SUGCT: variants seen among roughly 807,000 people sequenced by gnomAD.
The protein encoded by SUGCT is succinyl-CoA:glutarate CoA-transferase.
Under a neutral mutation model 55.0 loss-of-function variants are expected in SUGCT, and 41 were observed. The observed-to-expected ratio is 0.74, with a 90% confidence interval of 0.58 to 0.97. The LOEUF is 0.97. Among genes scored for constraint, SUGCT ranks in the 50% least tolerant of loss-of-function variants. The pLI, the probability that SUGCT is intolerant of heterozygous loss-of-function variation, is 0.00. For missense variants in SUGCT, 568 were observed against 547.8 expected (o/e 1.04, Z -0.37); for synonymous variants, 187 against 200.4 (o/e 0.93, Z 0.56).
intron 9 of SUGCT, among the ~76,000 whole-genome samples, chr7:40,424,568 CTAT>C (rs1269854068): frequency 1.3e-5 from 2 of 152,124 alleles, no homozygotes; most frequent in African/African-American, 4.8e-5. Flanking sequence ...CACTTTACTT[CTAT>C]ATGTTTCAGT....
intron 9 of SUGCT, among the ~76,000 whole-genome samples, chr7:40,322,991 A>ATAAAATAAAATAAAC (rs1795832774): frequency 6.6e-6 from 1 of 152,036 alleles, no homozygotes; most frequent in South Asian, 2.1e-4. Context: ...ATAAAATAAA[A>ATAAAATAAAATAAAC]TAAACTACTA....
chr7:40,287,192 C>T (rs1002615396), intron 8 of SUGCT, among the ~76,000 whole-genome samples: 1 of 152,078 alleles, frequency 6.6e-6, no homozygotes, highest in Non-Finnish European at 1.5e-5. Context: ...ATCATATATT[C>T]ATTTTTTTTA....
chr7:40,702,541 G>A (rs1785212018), intron 12 of SUGCT, among the ~76,000 whole-genome samples: 1 of 152,190 alleles, frequency 6.6e-6, no homozygotes, highest in South Asian at 2.1e-4. Context: ...GCTCAGCAAT[G>A]ATGTTTTGAG....
At chr7:40,473,638 A>AG (rs1441334029) in intron 11 of SUGCT, among the ~76,000 whole-genome samples, 3 of 152,072 alleles carry the variant, frequency 2.0e-5, no homozygotes, top group African/African-American at 4.8e-5. Flanking sequence ...TAGGAGGAGC[A>AG]GAAAAAAAAA....
the SUGCT span, among the ~76,000 whole-genome samples, chr7:40,887,172 A>C: frequency 6.6e-6 from 1 of 152,218 alleles, no homozygotes; most frequent in Non-Finnish European, 1.5e-5. Context: ...CCAGATGATA[A>C]AGAACATTCT....
At chr7:40,169,413 A>G (rs11767697) in intron 1 of SUGCT, among the ~76,000 whole-genome samples, 77,477 of 151,804 alleles carry the variant, frequency 0.51, 20,180 homozygotes, top group Middle Eastern at 0.65. Context: ...CTTCCTGGCC[A>G]TTAATGGTCA....
At chr7:40,635,594 T>G (rs1409174202) in intron 12 of SUGCT, among the ~76,000 whole-genome samples, 1 of 152,240 alleles carries the variant, frequency 6.6e-6, no homozygotes, top group African/African-American at 2.4e-5. Context: ...CACATTGTGT[T>G]GAAGCTCCAA....
chr7:40,833,481 A>G (rs1792803312), intron 13 of SUGCT, among the ~76,000 whole-genome samples: 1 of 152,204 alleles, frequency 6.6e-6, no homozygotes, highest in Admixed American at 6.5e-5. Flanking sequence ...TCATACACTT[A>G]TTAGTTAATT....
At chr7:40,942,177 G>A in the SUGCT span, among the ~76,000 whole-genome samples, 49,325 of 151,942 alleles carry the variant, frequency 0.32, 8,833 homozygotes, top group Admixed American at 0.44. Flanking sequence ...ATGCTTTCAA[G>A]AGGTTCTATT....
rs560412359 is a variant in SUGCT, at chr7:40,722,190, A to G, written c.1090-27244A>G. Among the ~76,000 whole-genome samples the G allele has an allele frequency of 7.2e-5, 11 of 152,234 alleles. No homozygotes were observed. In the South Asian group the frequency reaches 2.1e-3, roughly 29 times the overall value. ...CTACCAGTCAACTCTCCTAAATAAT[A>G]AGTATGATGAATAACAACCAATTGG... On this transcript the variant is annotated intron_variant, in intron 12 of 13. Coordinates refer to ENST00000335693, the MANE Select transcript of SUGCT (RefSeq NM_001193313.2).
intron 11 of SUGCT, among the ~76,000 whole-genome samples, chr7:40,477,754 AG>A (rs975140643): frequency 3.0e-4 from 45 of 152,198 alleles, no homozygotes; most frequent in Non-Finnish European, 5.9e-4. Context: ...TATTAAAAAT[AG>A]GGTTTCAAAA....
chr7:40,749,348 C>T (rs1202220959), intron 12 of SUGCT, 86 bp from the exon 13 acceptor site: 15 of 1,022,474 alleles, frequency 1.5e-5, no homozygotes, highest in Middle Eastern at 2.1e-4. Context: ...TCTTTGATGT[C>T]GACTGAATAG....
At chr7:40,973,629 C>T in the SUGCT span, among the ~76,000 whole-genome samples, 131 of 152,360 alleles carry the variant, frequency 8.6e-4, no homozygotes, top group Non-Finnish European at 1.6e-3. Context: ...CTGGTGCATG[C>T]GTCCTGGCAG....
chr7:40,569,877 TTTAAC>T (rs1433148622), intron 12 of SUGCT, among the ~76,000 whole-genome samples: 2 of 152,366 alleles, frequency 1.3e-5, no homozygotes, highest in Middle Eastern at 3.4e-3. Flanking sequence ...AGTTGATTTT[TTTAAC>T]TTAACTGATT....
chr7:40,787,456 G>T (rs997767537), intron 13 of SUGCT, among the ~76,000 whole-genome samples: 24 of 151,862 alleles, frequency 1.6e-4, no homozygotes, highest in Admixed American at 1.1e-3. Flanking sequence ...CACATACGGG[G>T]CCAAGATCTC....
At chr7:40,153,407 C>G (rs1171069090) in intron 1 of SUGCT, 5 of 366,882 alleles carry the variant, frequency 1.4e-5, no homozygotes, top group Non-Finnish European at 2.7e-5. Context: ...GCCGACATGA[C>G]CAATTTGATG....
At chr7:40,461,937 C>G (rs1035149483) in intron 11 of SUGCT, among the ~76,000 whole-genome samples, 2 of 152,210 alleles carry the variant, frequency 1.3e-5, no homozygotes, top group Non-Finnish European at 2.9e-5. Flanking sequence ...AAAGGCTACA[C>G]CTTTTTCATC....
chr7:41,006,174 G>A, the SUGCT span, among the ~76,000 whole-genome samples: 7 of 152,170 alleles, frequency 4.6e-5, no homozygotes, highest in Non-Finnish European at 7.3e-5. Context: ...CCTTTCAAGC[G>A]CTTTATCCTA....
intron 12 of SUGCT, among the ~76,000 whole-genome samples, chr7:40,635,213 G>C (rs1479676855): frequency 1.3e-5 from 2 of 152,016 alleles, no homozygotes; most frequent in African/African-American, 2.4e-5. Context: ...TTGAACCCAG[G>C]AGGCAAAGGT....
Sources: allele counts gnomAD v4.1 joint callset (sites outside exome capture counted in the v4.1 genomes callset), GRCh38; gene constraint gnomAD v4.1.1; transcripts MANE v1.5; gene names NCBI Gene and HGNC (gene_info 2026-07-23, HGNC 2026-07-21).